Variants in ABCG1 observed in about 807,000 individuals in gnomAD.
ABCG1 encodes the protein ATP-binding cassette sub-family G member 1.
Under a neutral mutation model 69.2 loss-of-function variants are expected in ABCG1, and 29 were observed. That is an observed-to-expected ratio of 0.42 (90% CI 0.31 to 0.57). ABCG1 has a LOEUF of 0.57. Ranked by LOEUF, ABCG1 falls within the 20% of genes least tolerant of loss-of-function variation. The probability of loss-of-function intolerance (pLI) is 0.15; values close to 1 mark genes in which losing one functional copy is unlikely to be tolerated. For missense variants in ABCG1, 718 were observed against 898.1 expected (o/e 0.80, Z 2.56); for synonymous variants, 370 against 374.8 (o/e 0.99, Z 0.15).
At chr21:42,243,443 TGC>T (rs369452223) in intron 2 of ABCG1, among the ~76,000 whole-genome samples, 29,195 of 89,364 alleles carry the variant, frequency 0.33, 3,050 homozygotes, top group African/African-American at 0.44. Flanking sequence ...ACCGTGTGTG[TGC>T]GCGTGTGTGT....
Position 42,219,903 on chromosome 21 carries a change from G to A in ABCG1, c.42+599G>A. On this transcript the variant is annotated intron_variant, in intron 1 of 14. Coordinates refer to ENST00000398449, the MANE Select transcript of ABCG1 (RefSeq NM_016818.3). The surrounding 1 kb of genome is among the most constrained non-coding windows in gnomAD (Gnocchi z 5.3). ...GCGAAGGCCCGGGGAGACCCGCGAG[G>A]GGCAAGCCCGGATTCCTGCCGGCCG... The A allele has an allele frequency of 1.9e-6, 3 of 1,548,046 alleles. No homozygotes were observed. Among genetic ancestry groups the A allele is most frequent in the Non-Finnish European group, 2.6e-6 (3 of 1,146,170 alleles).
intron 2 of ABCG1, among the ~76,000 whole-genome samples, chr21:42,252,628 G>T (rs1294190349): frequency 6.6e-6 from 1 of 152,124 alleles, no homozygotes; most frequent in Non-Finnish European, 1.5e-5. Flanking sequence ...ATGTCATTCA[G>T]CTTGGAGATG....
At chr21:42,218,271 G>A (rs1352166668), upstream of ABCG1, among the ~76,000 whole-genome samples, 1 of 152,148 alleles carries the variant, frequency 6.6e-6, no homozygotes, top group Non-Finnish European at 1.5e-5. Flanking sequence ...AAAGCATTAG[G>A]GCCTGAGACT....
rs1183566431 is a variant in ABCG1, at chr21:42,287,289, G to A, written c.974-600G>A. 6.6e-6 allele frequency among the ~76,000 whole-genome samples: 1 copy of A among 152,172 alleles called. No homozygotes were observed. The highest frequency in any genetic ancestry group is 1.5e-5 in the Non-Finnish European group (1 of 68,034). ...GAGACCTTAGGGGAGCGAGTCTGCAGGTGGAGTGGGGAGGTGACGATTGGG... is the reference window on the plus strand; with the variant it reads ...GAGACCTTAGGGGAGCGAGTCTGCAAGTGGAGTGGGGAGGTGACGATTGGG... On this transcript the variant is annotated intron_variant, in intron 8 of 14. Coordinates refer to ENST00000398449, the MANE Select transcript of ABCG1 (RefSeq NM_016818.3). The surrounding 1 kb of genome is among the most constrained non-coding windows in gnomAD (Gnocchi z 6.2).
rs1247524719 is a variant in ABCG1 at position 42,223,428 on chromosome 21, A to AT, written c.43-2243_43-2242insT. Among the ~76,000 whole-genome samples, 90 of 152,142 alleles carry AT rather than the reference A, an allele frequency of 5.9e-4. 1 individual carries two copies. Among genetic ancestry groups the AT allele is most frequent in the African/African-American group, 2.1e-3 (86 of 41,510 alleles). Reference sequence around the variant, plus strand: ...GCTCTTGGCTTGACCTATTGTAATTAGTTGGTCTTCCTCAAAATGAAAGAA... The same window carrying AT: ...GCTCTTGGCTTGACCTATTGTAATTATGTTGGTCTTCCTCAAAATGAAAGAA... On this transcript the variant is annotated intron_variant, in intron 1 of 14. Transcript: ENST00000398449.
chr21:42,293,837 A>G (rs1020721609), intron 13 of ABCG1, among the ~76,000 whole-genome samples: 1 of 149,052 alleles, frequency 6.7e-6, no homozygotes, highest in African/African-American at 2.5e-5. Flanking sequence ...CTGCGCACAC[A>G]GACTACACAC....
intron 2 of ABCG1, among the ~76,000 whole-genome samples, chr21:42,259,013 C>T (rs117887431): frequency 0.017 from 2,623 of 152,322 alleles, 34 homozygotes; most frequent in Non-Finnish European, 0.025. Flanking sequence ...AGTGCTTTCC[C>T]TTGTTCCTGG....
At chr21:42,255,918 T>G (rs187805102) in intron 2 of ABCG1, among the ~76,000 whole-genome samples, 1 of 152,342 alleles carries the variant, frequency 6.6e-6, no homozygotes, top group East Asian at 1.9e-4. Flanking sequence ...AGTGTAGTCT[T>G]TGGGAACTTT....
intron 1 of ABCG1, among the ~76,000 whole-genome samples, chr21:42,220,666 C>T (rs1215785997): frequency 6.6e-5 from 10 of 152,258 alleles, no homozygotes; most frequent in Admixed American, 5.9e-4. Context: ...GTGGCTTCTA[C>T]GTAGAAGAGG....
intron 2 of ABCG1, among the ~76,000 whole-genome samples, chr21:42,243,457 T>C (rs868284452): frequency 0.023 from 3,378 of 147,590 alleles, 51 homozygotes; most frequent in South Asian, 0.027. Context: ...CGTGTGTGTG[T>C]GTGTGTGTGT....
At position 42,245,693 on chromosome 21, in the gene ABCG1, A is replaced by C. The variant is rs191739340; in HGVS notation, c.286+19779A>C. ...GCATCAGAGACAGAGAAGAGAGCACAGCTCAAGGCTGAGATAAGACCAGGA... is the reference window on the plus strand; with the variant it reads ...GCATCAGAGACAGAGAAGAGAGCACCGCTCAAGGCTGAGATAAGACCAGGA... On this transcript the variant is annotated intron_variant, in intron 2 of 14. Coordinates refer to ENST00000398449, the MANE Select transcript of ABCG1 (RefSeq NM_016818.3). 1.7e-3 allele frequency among the ~76,000 whole-genome samples: 252 copies of C among 152,356 alleles called. 1 individual carries two copies. Among genetic ancestry groups the C allele is most frequent in the African/African-American group, 5.8e-3 (240 of 41,572 alleles).
chr21:42,256,459 A>C (rs1409095337), intron 2 of ABCG1: 1 of 1,549,608 alleles, frequency 6.5e-7, no homozygotes, highest in South Asian at 1.2e-5. Flanking sequence ...CAGAGTATCC[A>C]CACCCTGGCT....
intron 2 of ABCG1, among the ~76,000 whole-genome samples, chr21:42,231,418 C>T (rs2067899310): frequency 6.6e-6 from 1 of 152,208 alleles, no homozygotes; most frequent in Non-Finnish European, 1.5e-5. Flanking sequence ...TTGCCAAAAA[C>T]CAGGAAGGGG....
chr21:42,270,828 T>G (rs80169116), intron 2 of ABCG1, among the ~76,000 whole-genome samples: 3,061 of 152,236 alleles, frequency 0.02, 114 homozygotes, highest in African/African-American at 0.07. Flanking sequence ...CTTTGTGAGC[T>G]CTAAAGCATT....
At chr21:42,243,181 C>A (rs2068076603) in intron 2 of ABCG1, among the ~76,000 whole-genome samples, 1 of 152,108 alleles carries the variant, frequency 6.6e-6, no homozygotes, top group South Asian at 2.1e-4. Flanking sequence ...CCTGGGTGGT[C>A]AGAGATGCAG....
At position 42,284,645 on chromosome 21, in the gene ABCG1, C is replaced by T. The variant is rs759331454; in HGVS notation, c.820C>T (p.His274Tyr). The T allele has an allele frequency of 6.2e-7, 1 of 1,613,944 alleles. No individual in the cohort carries two copies. Among genetic ancestry groups the T allele is most frequent in the Non-Finnish European group, 8.5e-7 (1 of 1,180,032 alleles). ...QGGRSIICTI[H>Y]QPSAKLFELF... Reference sequence around the variant, plus strand: ...GGGTCGCTCCATCATTTGCACCATCCACCAGCCCAGCGCCAAACTCTTCGA... The same window carrying T: ...GGGTCGCTCCATCATTTGCACCATCTACCAGCCCAGCGCCAAACTCTTCGA... The change falls in exon 7 of 15, where the codon CAC becomes TAC. Residue 274 changes from histidine to tyrosine, a missense_variant. By Grantham distance (83) the His-to-Tyr change is moderately conservative (BLOSUM62 2). Around this residue, in one of 2 missense-constraint regions of ABCG1, gnomAD observed 514 missense variants for 574.3 expected, o/e 0.90. Transcript: ENST00000398449.
At chr21:42,284,787 C>A in intron 7 of ABCG1, 104 bp downstream of exon 7, 1 of 1,434,568 alleles carries the variant, frequency 7.0e-7, no homozygotes, top group Non-Finnish European at 9.4e-7. Flanking sequence ...GCTCGTGGGG[C>A]GTCTTCATGA....
intron 2 of ABCG1, among the ~76,000 whole-genome samples, chr21:42,239,481 T>A (rs1262673637): frequency 6.6e-6 from 1 of 152,150 alleles, no homozygotes; most frequent in Non-Finnish European, 1.5e-5. Context: ...AGCAAGGGTA[T>A]AGTTGGTGGC....
intron 14 of ABCG1, 171 bp downstream of exon 14, chr21:42,294,831 C>T: frequency 3.2e-6 from 2 of 620,694 alleles, no homozygotes; most frequent in East Asian, 2.8e-5. Context: ...TCCTCCTACC[C>T]TCACCAACAC....
Sources: allele counts gnomAD v4.1 joint callset (sites outside exome capture counted in the v4.1 genomes callset), GRCh38; gene constraint gnomAD v4.1.1; regional missense constraint gnomAD v4.1.1; non-coding constraint Gnocchi (gnomAD v3.1); transcripts MANE v1.5; gene names NCBI Gene and HGNC (gene_info 2026-07-23, HGNC 2026-07-21).